The following CNTNAP2 variants were observed in gnomAD, a reference collection of about 807,000 sequenced individuals.
The protein encoded by CNTNAP2 is contactin associated protein 2.
In CNTNAP2, 98 loss-of-function variants were observed where a neutral mutation model predicts 155.2. The ratio of observed to expected loss-of-function variants is 0.63; its 90% CI spans 0.54 to 0.75. The LOEUF is 0.75. Among genes scored for constraint, CNTNAP2 ranks in the 30% least tolerant of loss-of-function variants. The probability of loss-of-function intolerance (pLI) is 0.00; values close to 1 mark genes in which losing one functional copy is unlikely to be tolerated. For synonymous variants in CNTNAP2, 651 were observed against 631.2 expected, an observed-to-expected ratio of 1.03 and a Z score of -0.47; for missense variants, 1,727 against 1,688.1, an observed-to-expected ratio of 1.02 and a Z score of -0.40.
At chr7:148,275,730 G>A (rs756395348) in intron 21 of CNTNAP2, among the ~76,000 whole-genome samples, 2 of 152,194 alleles carry the variant, frequency 1.3e-5, no homozygotes, top group East Asian at 1.9e-4. Context: ...TGGCATGGTG[G>A]CTGGGCTCCA....
intron 16 of CNTNAP2, among the ~76,000 whole-genome samples, chr7:148,130,341 T>C (rs1016096497): frequency 6.6e-6 from 1 of 152,220 alleles, no homozygotes; most frequent in South Asian, 2.1e-4. Flanking sequence ...AAAAGGCAGC[T>C]GGAACATAGA....
chr7:146,582,537 C>T (rs1287541796), intron 1 of CNTNAP2, among the ~76,000 whole-genome samples: 1 of 151,982 alleles, frequency 6.6e-6, no homozygotes, highest in Admixed American at 6.6e-5. Context: ...TAACGCAAGC[C>T]CTGATTTGAA....
At chr7:147,633,572 G>C (rs546222611) in intron 12 of CNTNAP2, among the ~76,000 whole-genome samples, 26 of 152,286 alleles carry the variant, frequency 1.7e-4, no homozygotes, top group African/African-American at 5.5e-4. Context: ...CCTTGGCTAT[G>C]TCCCCACCCA....
chr7:147,823,596 T>A (rs1798397066), intron 13 of CNTNAP2, among the ~76,000 whole-genome samples: 1 of 152,114 alleles, frequency 6.6e-6, no homozygotes, highest in Non-Finnish European at 1.5e-5. Flanking sequence ...TGCTCTGAAG[T>A]TATACATGTT....
At chr7:146,359,711 A>C (rs912087581) in intron 1 of CNTNAP2, among the ~76,000 whole-genome samples, 18 of 152,206 alleles carry the variant, frequency 1.2e-4, no homozygotes, top group African/African-American at 4.3e-4. Context: ...ATAATGTAAT[A>C]GCATATTTTA....
chr7:147,765,312 C>T (rs1375847988), intron 13 of CNTNAP2, among the ~76,000 whole-genome samples: 1 of 152,106 alleles, frequency 6.6e-6, no homozygotes, highest in Non-Finnish European at 1.5e-5. Context: ...TGTACCCCTA[C>T]CAGTGCCCAT....
chr7:148,180,236 T>C (rs563464252), intron 18 of CNTNAP2, among the ~76,000 whole-genome samples: 10 of 152,210 alleles, frequency 6.6e-5, no homozygotes, highest in Non-Finnish European at 1.5e-4. Flanking sequence ...AGGCTTCTTT[T>C]TCATTTTCAG....
chr7:146,686,311 C>T (rs553577594), intron 1 of CNTNAP2, among the ~76,000 whole-genome samples: 38 of 151,686 alleles, frequency 2.5e-4, no homozygotes, highest in Non-Finnish European at 5.0e-4. Flanking sequence ...AAAAAAAAAT[C>T]AAACAATTTT....
chr7:146,669,974 G>T (rs2642520), intron 1 of CNTNAP2, among the ~76,000 whole-genome samples: 123,049 of 152,098 alleles, frequency 0.81, 50,381 homozygotes, highest in South Asian at 0.91. Context: ...TTTGTAATCT[G>T]TAAAAGAACA....
chr7:146,209,243 A>G (rs1798997846), intron 1 of CNTNAP2, among the ~76,000 whole-genome samples: 1 of 152,172 alleles, frequency 6.6e-6, no homozygotes, highest in South Asian at 2.1e-4. Context: ...TTTGAGAGAC[A>G]GGTAGGCTAC....
chr7:146,644,062 C>G (rs539819164), intron 1 of CNTNAP2, among the ~76,000 whole-genome samples: 1 of 152,292 alleles, frequency 6.6e-6, no homozygotes, highest in Non-Finnish European at 1.5e-5. Context: ...AGATTTTGGG[C>G]TGAAACAATG....
chr7:146,580,739 T>A (rs1465288017), intron 1 of CNTNAP2, among the ~76,000 whole-genome samples: 2 of 152,070 alleles, frequency 1.3e-5, no homozygotes, highest in Non-Finnish European at 2.9e-5. Context: ...CTGATTTGTT[T>A]TGTGATAAAT....
chr7:146,731,937 A>C (rs1028972711), intron 1 of CNTNAP2, among the ~76,000 whole-genome samples: 8 of 151,400 alleles, frequency 5.3e-5, no homozygotes, highest in Non-Finnish European at 1.2e-4. Context: ...TTTTTTGTCT[A>C]TATATATATA....
At chr7:148,331,479 C>T (rs1354082590) in intron 21 of CNTNAP2, among the ~76,000 whole-genome samples, 23 of 91,904 alleles carry the variant, frequency 2.5e-4, no homozygotes, top group Middle Eastern at 0.014. Flanking sequence ...ATGGAGTGGA[C>T]GGATGGAATG....
At chr7:146,686,360 C>T (rs1563188490) in intron 1 of CNTNAP2, among the ~76,000 whole-genome samples, 1 of 152,084 alleles carries the variant, frequency 6.6e-6, no homozygotes. Flanking sequence ...TGTACGTAGC[C>T]TGTATGTGTT....
intron 8 of CNTNAP2, among the ~76,000 whole-genome samples, chr7:147,152,334 C>A (rs1288639759): frequency 6.6e-6 from 1 of 151,940 alleles, no homozygotes; most frequent in Non-Finnish European, 1.5e-5. Flanking sequence ...TACATAGACT[C>A]TAGAACCTGA....
chr7:147,808,526 C>G (rs1480057097), intron 13 of CNTNAP2, among the ~76,000 whole-genome samples: 2 of 152,202 alleles, frequency 1.3e-5, no homozygotes, highest in African/African-American at 4.8e-5. Context: ...TTGGTTGACA[C>G]TAATGACACT....
chr7:146,279,541 TA>T (rs1480645907), intron 1 of CNTNAP2, among the ~76,000 whole-genome samples: 12 of 151,990 alleles, frequency 7.9e-5, no homozygotes, highest in Admixed American at 3.3e-4. Context: ...TCCATGTTAT[TA>T]GAAATTCTAA....
intron 1 of CNTNAP2, among the ~76,000 whole-genome samples, chr7:146,477,086 C>T (rs1156448823): frequency 2.6e-5 from 4 of 151,966 alleles, no homozygotes; most frequent in Non-Finnish European, 4.4e-5. Flanking sequence ...TAACTATGAT[C>T]CTAGAGAAAG....
Sources: allele counts gnomAD v4.1 joint callset (sites outside exome capture counted in the v4.1 genomes callset), GRCh38; gene constraint gnomAD v4.1.1; transcripts MANE v1.5; gene names NCBI Gene and HGNC (gene_info 2026-07-23, HGNC 2026-07-21).